Variants in LRP1B observed in about 807,000 individuals in gnomAD.
LRP1B encodes the protein low-density lipoprotein receptor-related protein 1B.
In LRP1B, 217 loss-of-function variants were observed where a neutral mutation model predicts 556.6. That is an observed-to-expected ratio of 0.39 (90% CI 0.35 to 0.44). The LOEUF (loss-of-function observed/expected upper bound fraction) is 0.44, where lower values mean the gene tolerates loss of function less well. Among genes scored for constraint, LRP1B ranks in the 20% least tolerant of loss-of-function variants. The pLI, the probability that LRP1B is intolerant of heterozygous loss-of-function variation, is 1.00. For synonymous variants in LRP1B, 2,047 were observed against 1,865.8 expected (o/e 1.10, Z -2.50); for missense variants, 5,053 against 5,620.8 (o/e 0.90, Z 3.23).
At chr2:141,428,456 G>T (rs1166758565) in intron 3 of LRP1B, among the ~76,000 whole-genome samples, 1 of 151,994 alleles carries the variant, frequency 6.6e-6, no homozygotes, top group Non-Finnish European at 1.5e-5. Flanking sequence ...TTATTAATAG[G>T]GGCTCACTGT....
intron 3 of LRP1B, among the ~76,000 whole-genome samples, chr2:141,327,370 G>A (rs373612195): frequency 1.3e-5 from 2 of 152,236 alleles, no homozygotes; most frequent in African/African-American, 2.4e-5. Flanking sequence ...AGTCACAGTC[G>A]TGGATGGGTG....
chr2:141,595,476 T>C (rs2105300625), intron 2 of LRP1B, among the ~76,000 whole-genome samples: 1 of 152,226 alleles, frequency 6.6e-6, no homozygotes, highest in Non-Finnish European at 1.5e-5. Context: ...CCTCATCAGA[T>C]TTTTTATTGA....
intron 85 of LRP1B, among the ~76,000 whole-genome samples, chr2:140,271,896 C>A (rs1413218188): frequency 6.7e-6 from 1 of 150,262 alleles, no homozygotes; most frequent in Non-Finnish European, 1.5e-5. Flanking sequence ...ATAATAAAGT[C>A]AAAAAATTAT....
At chr2:141,872,191 G>C (rs1558931611) in intron 1 of LRP1B, among the ~76,000 whole-genome samples, 1 of 151,938 alleles carries the variant, frequency 6.6e-6, no homozygotes, top group Non-Finnish European at 1.5e-5. Flanking sequence ...ATCCCTGACA[G>C]TCACGAAGGT....
Position 140,924,929 on chromosome 2 carries a change from G to A in LRP1B, c.3137-1782C>T, listed in dbSNP as rs1395857221. Reference sequence around the variant, plus strand: ...TAGTGTCTGCAGAGTGCTCTATATAGAAATATATTCAATGATTCAAACAAA... The same window carrying A: ...TAGTGTCTGCAGAGTGCTCTATATAAAAATATATTCAATGATTCAAACAAA... On this transcript the variant is annotated intron_variant, in intron 20 of 90. Transcript: ENST00000389484. Among the ~76,000 whole-genome samples, 4 of 151,796 alleles carry A rather than the reference G, an allele frequency of 2.6e-5. No individual in the cohort carries two copies. The South Asian group carries it at 8.3e-4, about 32-fold the overall frequency.
Position 140,475,341 on chromosome 2 carries a change from G to T in LRP1B, c.9426-4C>A. ...GCAGTCAATCCAATACAAATATCTAGGAAAGAAAATCAATACTGATTTTGT... is the reference window on the plus strand; with the variant it reads ...GCAGTCAATCCAATACAAATATCTATGAAAGAAAATCAATACTGATTTTGT... On this transcript the variant is annotated splice_region_variant and splice_polypyrimidine_tract_variant and intron_variant, in intron 59 of 90. Coordinates refer to ENST00000389484, the MANE Select transcript of LRP1B (RefSeq NM_018557.3). The T allele has an allele frequency of 6.4e-7, 1 of 1,572,338 alleles. No individual in the cohort carries two copies. The highest frequency in any genetic ancestry group is 8.7e-7 in the Non-Finnish European group (1 of 1,155,734).
intron 7 of LRP1B, among the ~76,000 whole-genome samples, chr2:141,141,916 A>C (rs1441343895): frequency 2.0e-5 from 3 of 152,158 alleles, no homozygotes; most frequent in African/African-American, 7.2e-5. Flanking sequence ...CATTGGTTAG[A>C]TACTTGTTTC....
intron 2 of LRP1B, among the ~76,000 whole-genome samples, chr2:141,678,654 C>T (rs1214315471): frequency 1.3e-5 from 2 of 152,022 alleles, no homozygotes; most frequent in Non-Finnish European, 2.9e-5. Flanking sequence ...ATTCAGAACA[C>T]TCAAAGAATA....
intron 3 of LRP1B, among the ~76,000 whole-genome samples, chr2:141,403,829 A>G (rs1417827349): frequency 6.6e-6 from 1 of 152,110 alleles, no homozygotes; most frequent in East Asian, 1.9e-4. Context: ...TCTCACATGT[A>G]TGTATAGACA....
At chr2:141,681,223 G>T (rs1446963785) in intron 2 of LRP1B, among the ~76,000 whole-genome samples, 5 of 152,064 alleles carry the variant, frequency 3.3e-5, no homozygotes, top group Non-Finnish European at 7.4e-5. Flanking sequence ...TGCCAAGGAG[G>T]TTGAGGCTGC....
intron 77 of LRP1B, among the ~76,000 whole-genome samples, chr2:140,340,675 AT>A (rs1156695097): frequency 7.9e-5 from 12 of 151,072 alleles, no homozygotes; most frequent in South Asian, 6.2e-4. Flanking sequence ...AAAAAAAAAA[AT>A]AAGTAGATTC....
chr2:141,188,891 A>T (rs1408038070), intron 6 of LRP1B, among the ~76,000 whole-genome samples: 1 of 152,020 alleles, frequency 6.6e-6, no homozygotes, highest in Non-Finnish European at 1.5e-5. Context: ...ATTTGTCCAA[A>T]ATAGTTCATT....
In LRP1B at chr2:141,169,800, C is replaced by CAA. The variant is rs574461113; in HGVS notation, c.1013+18619_1013+18620dup. 9.6e-3 allele frequency among the ~76,000 whole-genome samples: 843 copies of CAA among 87,382 alleles called. 10 individuals carry two copies. The highest frequency in any genetic ancestry group is 0.032 in the African/African-American group (770 of 24,124). The allele number at this position is 87,382 out of a possible 152,430, so 57.3% of individuals were successfully genotyped here. A position where few individuals can be genotyped will look rare whatever the true frequency, so the allele number is the denominator to read the frequency against. ...TCCAGTGCACCTCCCACACCTTAAC[C>CAA]AAAAAAAAAAAAAAAAAAAAAGAAT... On this transcript the variant is annotated intron_variant, in intron 7 of 90. Coordinates refer to ENST00000389484, the MANE Select transcript of LRP1B (RefSeq NM_018557.3).
intron 12 of LRP1B, among the ~76,000 whole-genome samples, chr2:141,018,192 GA>G (rs1697962481): frequency 6.6e-6 from 1 of 151,880 alleles, no homozygotes; most frequent in South Asian, 2.1e-4. Context: ...AATATAGCAA[GA>G]AAAATTCTAC....
At chr2:140,361,108 C>T (rs1023684271) in intron 72 of LRP1B, among the ~76,000 whole-genome samples, 1 of 150,800 alleles carries the variant, frequency 6.6e-6, no homozygotes, top group Non-Finnish European at 1.5e-5. Flanking sequence ...ATGTTGGATA[C>T]TGCTCTAAGT....
intron 3 of LRP1B, among the ~76,000 whole-genome samples, chr2:141,353,066 G>A (rs1559024352): frequency 6.6e-6 from 1 of 151,876 alleles, no homozygotes; most frequent in African/African-American, 2.4e-5. Flanking sequence ...GATTTTTAAA[G>A]TCAAACTGTG....
At chr2:141,573,826 C>CA (rs1298704934) in intron 2 of LRP1B, among the ~76,000 whole-genome samples, 3 of 151,934 alleles carry the variant, frequency 2.0e-5, no homozygotes, top group African/African-American at 7.3e-5. Context: ...CACCTCTATG[C>CA]AAAAAAATTA....
intron 2 of LRP1B, among the ~76,000 whole-genome samples, chr2:141,711,347 T>C (rs1285503780): frequency 2.0e-5 from 3 of 152,156 alleles, no homozygotes; most frequent in Non-Finnish European, 2.9e-5. Context: ...AGACCAATAA[T>C]GAAATCTGTA....
At chr2:140,661,386 A>C (rs545639993) in intron 41 of LRP1B, among the ~76,000 whole-genome samples, 1 of 151,984 alleles carries the variant, frequency 6.6e-6, no homozygotes, top group South Asian at 2.1e-4. Context: ...TGGGCTGGGC[A>C]TGATGGCTCA....
Sources: allele counts gnomAD v4.1 joint callset (sites outside exome capture counted in the v4.1 genomes callset), GRCh38; gene constraint gnomAD v4.1.1; transcripts MANE v1.5; gene names NCBI Gene and HGNC (gene_info 2026-07-23, HGNC 2026-07-21).